Variants in LAMA1 observed in about 807,000 individuals in gnomAD.
The protein encoded by LAMA1 is laminin subunit alpha 1.
A neutral mutation model predicts 348.7 loss-of-function variants in LAMA1; 219 were observed. The ratio of observed to expected loss-of-function variants is 0.63; its 90% CI spans 0.56 to 0.70. LAMA1 has a LOEUF of 0.70. LAMA1 is among the 30% of genes least tolerant of loss of function. LAMA1 has a pLI of 0.00. For missense variants in LAMA1, 3,744 were observed against 3,888.0 expected, an observed-to-expected ratio of 0.96 and a Z score of 0.99; for synonymous variants, 1,487 against 1,491.0, an observed-to-expected ratio of 1.00 and a Z score of 0.06.
intron 42 of LAMA1, among the ~76,000 whole-genome samples, chr18:6,980,076 T>C (rs1168724308): frequency 6.6e-6 from 1 of 152,204 alleles, no homozygotes; most frequent in Non-Finnish European, 1.5e-5. Flanking sequence ...AAGTGATCAG[T>C]GAGCCTAATG....
chr18:6,980,502 G>GA lies in LAMA1; in HGVS notation c.6007+18dup. 7.2e-7 allele frequency: 1 copy of GA among 1,390,718 alleles called. No individual in the cohort carries two copies. The highest frequency in any genetic ancestry group is 1.0e-6 in the Non-Finnish European group (1 of 976,404). The allele number at this position is 1,390,718 out of a possible 1,614,324, so 86.1% of individuals were successfully genotyped here. A position where few individuals can be genotyped will look rare whatever the true frequency, so the allele number is the denominator to read the frequency against. Reference sequence around the variant, plus strand: ...CAATGAGAAGACGTTATTTACAGAAGAAAGTCCTTTCCACTTACCTTTAGG... The same window carrying GA: ...CAATGAGAAGACGTTATTTACAGAAGAAAAGTCCTTTCCACTTACCTTTAGG... On this transcript the variant is annotated intron_variant, in intron 42 of 62. Coordinates refer to ENST00000389658, the MANE Select transcript of LAMA1 (RefSeq NM_005559.4).
At chr18:7,080,120 C>G in intron 2 of LAMA1, 33 bp from the exon 3 acceptor site, 1 of 1,582,160 alleles carries the variant, frequency 6.3e-7, no homozygotes, top group Non-Finnish European at 8.7e-7. Context: ...ATGAATTCCT[C>G]TCGGCTGTTG....
At chr18:6,974,461 T>C (rs7227031) in intron 46 of LAMA1, among the ~76,000 whole-genome samples, 6 of 140,592 alleles carry the variant, frequency 4.3e-5, no homozygotes, top group South Asian at 2.2e-4. Flanking sequence ...TTTTCTTTTT[T>C]TTTTTTTTTT....
intron 42 of LAMA1, among the ~76,000 whole-genome samples, chr18:6,979,883 A>G (rs1178534525): frequency 3.3e-5 from 5 of 152,310 alleles, no homozygotes; most frequent in Admixed American, 6.5e-5. Flanking sequence ...TGGGCGACAG[A>G]GCGAGACTCT....
At chr18:6,993,069 A>G (rs2057765604) in intron 35 of LAMA1, among the ~76,000 whole-genome samples, 1 of 152,162 alleles carries the variant, frequency 6.6e-6, no homozygotes, top group South Asian at 2.1e-4. Flanking sequence ...ATAAACCACC[A>G]ATGCTTGATC....
At chr18:7,093,138 G>A (rs577883254) in intron 1 of LAMA1, among the ~76,000 whole-genome samples, 21 of 152,260 alleles carry the variant, frequency 1.4e-4, no homozygotes, top group African/African-American at 3.1e-4. Context: ...GTCAAATGGC[G>A]GGGCACAGTG....
chr18:7,025,866 G>A lies in LAMA1; in HGVS notation c.2402+113C>T, dbSNP rs150422219. The A allele has an allele frequency of 3.1e-4, 451 of 1,436,990 alleles. 1 individual carries two copies. In the East Asian group the frequency reaches 8.9e-3, roughly 29 times the overall value. The allele number at this position is 1,436,990 out of a possible 1,614,324, so 89.0% of individuals were successfully genotyped here. ...TTTAATCCAAATCAATTGTCACTGG[G>A]CAAAATTCACACACGTATTACACAC... On this transcript the variant is annotated intron_variant, in intron 17 of 62. Transcript: ENST00000389658.
intron 16 of LAMA1, among the ~76,000 whole-genome samples, chr18:7,029,126 T>C (rs2057957332): frequency 6.6e-6 from 1 of 152,208 alleles, no homozygotes; most frequent in Admixed American, 6.5e-5. Flanking sequence ...TCAGTTTTAC[T>C]TAGGGTTATC....
chr18:7,024,749 G>C (rs1261487959), intron 17 of LAMA1, among the ~76,000 whole-genome samples: 1 of 152,168 alleles, frequency 6.6e-6, no homozygotes, highest in South Asian at 2.1e-4. Context: ...CTGTCTGCCT[G>C]GGTTAACCCA....
At chr18:6,982,350 T>G in intron 41 of LAMA1, 147 bp downstream of exon 41, 1 of 793,602 alleles carries the variant, frequency 1.3e-6, no homozygotes, top group Non-Finnish European at 2.2e-6. Flanking sequence ...GATAGGAAAA[T>G]TTATATGATA....
In LAMA1 at chr18:6,993,736, G is replaced by A. The variant is rs145048578; in HGVS notation, c.4913C>T (p.Ala1638Val). The change falls in exon 35 of 63, where the codon GCG (alanine) becomes GTG (valine). Residue 1638 changes from alanine to valine, a missense_variant. By Grantham distance (64) the Ala-to-Val change is moderately conservative. Transcript: ENST00000389658. Reference protein sequence around the residue: ...NLQKKLTRMLASTQKVNRATE... With the variant: ...NLQKKLTRMLVSTQKVNRATE... ...TGCCCTATTCACCTTTTGGGTACTC[G>A]CTAACATCCTAGTGAGCTGGTGGAA... 5.5e-5 allele frequency: 89 copies of A among 1,609,244 alleles called. No individual in the cohort carries two copies. The highest frequency in any genetic ancestry group is 7.2e-5 in the Non-Finnish European group (85 of 1,175,542).
chr18:6,998,523 T>G (rs955927259), intron 32 of LAMA1, among the ~76,000 whole-genome samples: 2 of 152,100 alleles, frequency 1.3e-5, no homozygotes, highest in Non-Finnish European at 2.9e-5. Flanking sequence ...AGTTTGCAAA[T>G]GCATCTTTCA....
At chr18:6,964,894 ACAAATG>A in intron 50 of LAMA1, 91 bp from the exon 51 acceptor site, 2 of 1,382,404 alleles carry the variant, frequency 1.4e-6, no homozygotes, top group Middle Eastern at 2.1e-4. Context: ...AAGCTCATTT[ACAAATG>A]CATATTCTTT....
chr18:7,035,979 A>G lies in LAMA1; in HGVS notation c.1839+8T>C. 1.2e-6 allele frequency: 2 copies of G among 1,610,236 alleles called. No homozygotes were observed. Among genetic ancestry groups the G allele is most frequent in the Non-Finnish European group, 1.7e-6 (2 of 1,176,418 alleles). On this transcript the variant is annotated splice_region_variant and intron_variant, in intron 13 of 62. Transcript: ENST00000389658. ...GCTCTATAGCAGAATCAAAGCAAAA[A>G]CAATCACCTTAATGATGACGTCAGC...
At position 6,965,374 on chromosome 18, in the gene LAMA1, C is replaced by A; in HGVS notation, c.7109G>T (p.Gly2370Val). Residue 2370 changes from glycine (G) to valine (V), a missense_variant, in exon 50 of 63, where the codon GGT (glycine) becomes GTT (valine). Physicochemically the swap from Gly to Val is moderately radical, Grantham distance 109. Coordinates refer to ENST00000389658, the MANE Select transcript of LAMA1 (RefSeq NM_005559.4). Reference sequence around the variant, plus strand: ...TGTCAAAAGGGTAATGGGTCCTGAACCCAGGTCAGTCATAACCTTCACTCT... The same window carrying A: ...TGTCAAAAGGGTAATGGGTCCTGAAACCAGGTCAGTCATAACCTTCACTCT... Reference protein sequence around the residue: ...RGRVKVMTDLGSGPITLLTDR... With the variant: ...RGRVKVMTDLVSGPITLLTDR... The A allele has an allele frequency of 1.2e-6, 2 of 1,614,110 alleles. No homozygotes were observed. Among genetic ancestry groups the A allele is most frequent in the Non-Finnish European group, 1.7e-6 (2 of 1,180,012 alleles).
chr18:7,093,309 A>G (rs1003394806), intron 1 of LAMA1, among the ~76,000 whole-genome samples: 8 of 152,190 alleles, frequency 5.3e-5, no homozygotes, highest in Admixed American at 4.6e-4. Flanking sequence ...CCAGCTACTC[A>G]GGAGGCTGAG....
chr18:7,019,674 CTTTT>C lies in LAMA1; in HGVS notation c.2702-2294_2702-2291del, dbSNP rs35235323. 4.1e-3 allele frequency among the ~76,000 whole-genome samples: 383 copies of C among 94,552 alleles called. 1 individual carries two copies. The highest frequency in any genetic ancestry group is 9.5e-3 in the East Asian group (29 of 3,058). 62.0% of individuals were successfully genotyped at this position (94,552 alleles called of 152,430 possible). A position where few individuals can be genotyped will look rare whatever the true frequency, so the allele number is the denominator to read the frequency against. On this transcript the variant is annotated intron_variant, in intron 19 of 62. Transcript: ENST00000389658. ...TGCAGTAATAATTATTATGGTAATT[CTTTT>C]TTTTTTTTTTTTTTTTTTTTTGAGA...
At chr18:7,099,854 T>C (rs996175853) in intron 1 of LAMA1, among the ~76,000 whole-genome samples, 3 of 151,692 alleles carry the variant, frequency 2.0e-5, no homozygotes, top group Non-Finnish European at 4.4e-5. Flanking sequence ...GTCAGGAGAT[T>C]GAGACCATCC....
chr18:6,973,250 C>T lies in LAMA1; in HGVS notation c.6624-43G>A. The T allele has an allele frequency of 1.3e-6, 2 of 1,586,064 alleles. 1 individual carries two copies. The highest frequency in any genetic ancestry group is 2.2e-5 in the South Asian group (2 of 90,246). On this transcript the variant is annotated intron_variant, in intron 46 of 62. Transcript: ENST00000389658. ...TTGCAAAAGAAATTTTCAGAATTTC[C>T]AGTCAGCGCACATACAATCCCGTTT...
Sources: gnomAD v4.1 joint callset for allele counts (sites outside exome capture counted in the v4.1 genomes callset) on GRCh38, gnomAD v4.1.1 for gene constraint, MANE v1.5 for transcripts, NCBI Gene and HGNC (gene_info 2026-07-23, HGNC 2026-07-21) for gene names.